The following HEPACAM2 variants were observed in gnomAD, a reference collection of about 807,000 sequenced individuals.
HEPACAM2 encodes the protein mitotic kinetics regulator.
HEPACAM2 carries 49 observed loss-of-function variants against 49.6 expected under a neutral mutation model. That is an observed-to-expected ratio of 0.99 (90% confidence interval 0.78 to 1.25). The LOEUF (loss-of-function observed/expected upper bound fraction) is 1.25, where lower values mean the gene tolerates loss of function less well. Among genes scored for constraint, HEPACAM2 ranks in the 50% most tolerant of loss-of-function variants. The pLI is 0.00. For missense variants in HEPACAM2, 525 were observed against 557.2 expected, an observed-to-expected ratio of 0.94 and a Z score of 0.58; for synonymous variants, 197 against 202.9, an observed-to-expected ratio of 0.97 and a Z score of 0.25.
chr7:93,220,170 C>G (rs574162933), intron 1 of HEPACAM2, among the ~76,000 whole-genome samples: 1 of 152,130 alleles, frequency 6.6e-6, no homozygotes, highest in Non-Finnish European at 1.5e-5. Flanking sequence ...CAATTTTACT[C>G]TAAGATGGGG....
At chr7:93,227,072 G>T (rs902410168), upstream of HEPACAM2, among the ~76,000 whole-genome samples, 1 of 152,146 alleles carries the variant, frequency 6.6e-6, no homozygotes, top group Non-Finnish European at 1.5e-5. Context: ...TCACAGGTGT[G>T]TTTCCAACTG....
At chr7:93,192,846 A>G (rs1220884094) in intron 8 of HEPACAM2, among the ~76,000 whole-genome samples, 1 of 152,112 alleles carries the variant, frequency 6.6e-6, no homozygotes, top group African/African-American at 2.4e-5. Context: ...GTACCAAGGA[A>G]TGTGGAACAC....
upstream of HEPACAM2, among the ~76,000 whole-genome samples, chr7:93,228,180 G>C (rs1278711596): frequency 6.6e-6 from 1 of 152,058 alleles, no homozygotes; most frequent in African/African-American, 2.4e-5. Context: ...GAGAAATAAA[G>C]ACAATGTACT....
At chr7:93,211,000 A>G (rs1404175319) in intron 3 of HEPACAM2, among the ~76,000 whole-genome samples, 1 of 152,032 alleles carries the variant, frequency 6.6e-6, no homozygotes, top group East Asian at 1.9e-4. Flanking sequence ...GCACCAACCT[A>G]GTAAAACCAT....
At position 93,197,365 on chromosome 7, in the gene HEPACAM2, T is replaced by C. The variant is rs371988804; in HGVS notation, c.1163+8A>G. 1 of 1,599,722 alleles carries C rather than the reference T, an allele frequency of 6.3e-7. No homozygotes were observed. The highest frequency in any genetic ancestry group is 1.3e-5 in the African/African-American group (1 of 74,248). On this transcript the variant is annotated splice_region_variant and intron_variant, in intron 6 of 9. Transcript: ENST00000394468. ...AAACAACTATTTTCATAGAAACAGA[T>C]GCATTACCTGCCTTCTAGTTTCTGT...
intron 4 of HEPACAM2, chr7:93,205,508 C>A (rs1794005347): frequency 6.6e-6 from 1 of 152,094 alleles, no homozygotes; most frequent in East Asian, 1.9e-4. Context: ...TAATCTCTTA[C>A]TTACAGCTTC....
At chr7:93,214,890 A>C (rs534524727) in intron 3 of HEPACAM2, among the ~76,000 whole-genome samples, 2 of 152,186 alleles carry the variant, frequency 1.3e-5, no homozygotes, top group Non-Finnish European at 2.9e-5. Context: ...GGACTTTTTC[A>C]TTTAAACCTA....
At chr7:93,230,250 C>T (rs1346307165), upstream of HEPACAM2, among the ~76,000 whole-genome samples, 5 of 152,020 alleles carry the variant, frequency 3.3e-5, no homozygotes, top group African/African-American at 7.3e-5. Context: ...GAGAAAATTC[C>T]GGGGTTGAAT....
chr7:93,194,734 G>A (rs901392491), intron 8 of HEPACAM2, among the ~76,000 whole-genome samples: 1 of 151,898 alleles, frequency 6.6e-6, no homozygotes, highest in African/African-American at 2.4e-5. Context: ...TTAACAAATG[G>A]AAATGAGAAT....
chr7:93,225,892 A>G, intron 1 of HEPACAM2: 2 of 1,392,034 alleles, frequency 1.4e-6, no homozygotes, highest in Middle Eastern at 1.8e-4. Flanking sequence ...CCTTTCTTCC[A>G]TATTTCATAA....
chr7:93,208,514 G>A, intron 4 of HEPACAM2, 66 bp downstream of exon 4: 1 of 1,328,580 alleles, frequency 7.5e-7, no homozygotes, highest in African/African-American at 1.5e-5. Context: ...GTATAAGATA[G>A]GGGAAGTGCA....
intron 4 of HEPACAM2, among the ~76,000 whole-genome samples, chr7:93,200,854 G>A (rs1052599687): frequency 6.6e-6 from 1 of 151,972 alleles, no homozygotes; most frequent in Non-Finnish European, 1.5e-5. Flanking sequence ...AGGCTTGCAG[G>A]TGGCTAGAAT....
intron 4 of HEPACAM2, among the ~76,000 whole-genome samples, chr7:93,207,941 G>T (rs1050579512): frequency 6.6e-6 from 1 of 152,042 alleles, no homozygotes; most frequent in Non-Finnish European, 1.5e-5. Flanking sequence ...AGAAGAGAAG[G>T]TGTAGAAGGA....
intron 1 of HEPACAM2, among the ~76,000 whole-genome samples, chr7:93,225,527 T>C (rs1365852891): frequency 6.6e-6 from 1 of 152,160 alleles, no homozygotes; most frequent in Non-Finnish European, 1.5e-5. Context: ...AAATTGCTTA[T>C]TTTGCTAAGC....
chr7:93,203,628 C>A (rs879319767), intron 4 of HEPACAM2, among the ~76,000 whole-genome samples: 41 of 152,164 alleles, frequency 2.7e-4, no homozygotes, highest in Non-Finnish European at 1.6e-4. Context: ...ATGCTATTTG[C>A]CTCCTCCTTA....
chr7:93,195,876 GA>G lies in HEPACAM2; in HGVS notation c.1226del (p.Phe409SerfsTer68). On this transcript the variant is annotated frameshift_variant, in exon 8 of 10. Coordinates refer to ENST00000394468, the MANE Select transcript of HEPACAM2 (RefSeq NM_001039372.4). LOFTEE classifies it high-confidence loss of function. The stretch of plus-strand genomic sequence containing the variant: ...GAAAAGCAACAAATTCATATATTCC[GA>G]AGTCATCCAGAGCATCTTCATGGCC... Reference protein sequence around the residue: ...FSGHEDALDDFGIYEFVAFPD... With the variant: ...FSGHEDALDDXGIYEFVAFPD... 1.2e-6 allele frequency: 2 copies of G among 1,612,864 alleles called. No homozygotes were observed. Among genetic ancestry groups the G allele is most frequent in the South Asian group, 2.2e-5 (2 of 91,028 alleles).
At chr7:93,219,036 G>A (rs1794382814) in intron 2 of HEPACAM2, 65 bp downstream of exon 2, 1 of 1,406,014 alleles carries the variant, frequency 7.1e-7, no homozygotes, top group Non-Finnish European at 9.8e-7. Flanking sequence ...AAGTAGTTTA[G>A]TCTCCTGAGC....
chr7:93,217,868 A>ATGCGTGTCTG (rs1794344246), intron 2 of HEPACAM2, among the ~76,000 whole-genome samples: 1 of 129,496 alleles, frequency 7.7e-6, no homozygotes. Flanking sequence ...TTCTCTGAGC[A>ATGCGTGTCTG]TGTGTGTCTG....
At chr7:93,217,876 CTGTGTGTGTGTGTGTG>C (rs138044928) in intron 2 of HEPACAM2, among the ~76,000 whole-genome samples, 72 of 140,188 alleles carry the variant, frequency 5.1e-4, no homozygotes, top group African/African-American at 1.8e-3. Context: ...GCATGTGTGT[CTGTGTGTGTGTGTGTG>C]TGTGTGTGTG....
Sources: gnomAD v4.1 joint callset for allele counts (sites outside exome capture counted in the v4.1 genomes callset) on GRCh38, gnomAD v4.1.1 for gene constraint, MANE v1.5 for transcripts, NCBI Gene and HGNC (gene_info 2026-07-23, HGNC 2026-07-21) for gene names.